Variants in RANBP2 observed in about 807,000 individuals in gnomAD.
RANBP2 encodes RAN binding protein 2, also known as E3 SUMO-protein ligase RanBP2.
In RANBP2, 57 loss-of-function variants were observed where a neutral mutation model predicts 303.6. The observed-to-expected ratio is 0.19, with a 90% CI of 0.15 to 0.23. The LOEUF (loss-of-function observed/expected upper bound fraction) is 0.23. Among genes scored for constraint, RANBP2 ranks in the 10% least tolerant of loss-of-function variants. RANBP2 has a pLI of 1.00. For synonymous variants in RANBP2, 1,167 were observed against 1,301.5 expected (o/e 0.90, Z 2.23); for missense variants, 3,138 against 3,780.8 (o/e 0.83, Z 4.46).
the RANBP2 span, among the ~76,000 whole-genome samples, chr2:108,998,169 C>T: frequency 1.3e-5 from 2 of 152,202 alleles, no homozygotes; most frequent in African/African-American, 4.8e-5. Context: ...AGTCTTTATG[C>T]TCCTGGAGCT....
the RANBP2 span, among the ~76,000 whole-genome samples, chr2:109,425,286 G>C: frequency 6.6e-6 from 1 of 152,218 alleles, no homozygotes; most frequent in Non-Finnish European, 1.5e-5. Context: ...AAAGTACAAG[G>C]TAAAGCAGCA....
chr2:108,989,608 G>A, the RANBP2 span, among the ~76,000 whole-genome samples: 7 of 152,012 alleles, frequency 4.6e-5, no homozygotes, highest in South Asian at 1.2e-3. Flanking sequence ...CCCATCCCCC[G>A]CACATCCCTC....
the RANBP2 span, among the ~76,000 whole-genome samples, chr2:109,708,205 A>G: frequency 1.3e-5 from 2 of 152,218 alleles, no homozygotes; most frequent in Non-Finnish European, 2.9e-5. Context: ...AAAAAATCAA[A>G]AATTTTTTTA....
At chr2:109,213,825 G>T in the RANBP2 span, among the ~76,000 whole-genome samples, 1 of 152,206 alleles carries the variant, frequency 6.6e-6, no homozygotes, top group Non-Finnish European at 1.5e-5. Context: ...GGATGGGCTG[G>T]AAGGGCAGGG....
chr2:109,257,788 T>G, the RANBP2 span, among the ~76,000 whole-genome samples: 1 of 152,112 alleles, frequency 6.6e-6, no homozygotes, highest in East Asian at 1.9e-4. Context: ...AAATGTATGT[T>G]TTACGGACAG....
the RANBP2 span, chr2:108,885,457 T>C: frequency 1.3e-5 from 2 of 152,256 alleles, no homozygotes; most frequent in Non-Finnish European, 2.9e-5. Context: ...TGAAAAGTTA[T>C]ACAATAAAAT....
the RANBP2 span, among the ~76,000 whole-genome samples, chr2:109,526,065 GC>G: frequency 6.6e-6 from 1 of 152,094 alleles, no homozygotes; most frequent in African/African-American, 2.4e-5. Context: ...CACCATCAGG[GC>G]CCCTGACACA....
chr2:108,922,834 A>G, the RANBP2 span, among the ~76,000 whole-genome samples: 153 of 152,294 alleles, frequency 1.0e-3, 2 homozygotes, highest in African/African-American at 3.5e-3. Flanking sequence ...CGTCATAAAC[A>G]GATGCCCATG....
the RANBP2 span, among the ~76,000 whole-genome samples, chr2:109,046,592 C>G: frequency 1.3e-5 from 2 of 151,750 alleles, no homozygotes; most frequent in Non-Finnish European, 2.9e-5. Context: ...TTTGGCCAGG[C>G]TAGTCTCAAA....
chr2:109,340,303 T>C, the RANBP2 span, among the ~76,000 whole-genome samples: 2 of 152,034 alleles, frequency 1.3e-5, no homozygotes, highest in Admixed American at 6.5e-5. Flanking sequence ...AAGGATCCTG[T>C]GGGTCTCGCA....
At chr2:108,990,735 A>G in the RANBP2 span, among the ~76,000 whole-genome samples, 1 of 152,238 alleles carries the variant, frequency 6.6e-6, no homozygotes, top group South Asian at 2.1e-4. Context: ...ATCCTTGTGG[A>G]TGATTAATCT....
At chr2:108,727,126 C>A (rs1694783238) in intron 1 of RANBP2, among the ~76,000 whole-genome samples, 1 of 152,170 alleles carries the variant, frequency 6.6e-6, no homozygotes, top group South Asian at 2.1e-4. Context: ...GTCATCATGG[C>A]CCGTTCTCAA....
At chr2:109,027,849 C>A in the RANBP2 span, among the ~76,000 whole-genome samples, 1,124 of 152,318 alleles carry the variant, frequency 7.4e-3, 12 homozygotes, top group African/African-American at 0.025. Context: ...CCCTGCCAGT[C>A]CCCTACTTCT....
the RANBP2 span, among the ~76,000 whole-genome samples, chr2:109,326,075 C>T: frequency 4.6e-5 from 7 of 152,222 alleles, no homozygotes; most frequent in Admixed American, 4.6e-4. Context: ...TGGGCGTATG[C>T]CACATTTTCT....
At chr2:109,587,015 G>A in the RANBP2 span, among the ~76,000 whole-genome samples, 1 of 152,144 alleles carries the variant, frequency 6.6e-6, no homozygotes, top group Admixed American at 6.6e-5. Flanking sequence ...ACAGAAAAAT[G>A]TGATTCACAG....
chr2:109,450,651 A>T, the RANBP2 span, among the ~76,000 whole-genome samples: 1 of 152,126 alleles, frequency 6.6e-6, no homozygotes, highest in African/African-American at 2.4e-5. Flanking sequence ...TGTTGATGAG[A>T]TATTTTAGTA....
the RANBP2 span, among the ~76,000 whole-genome samples, chr2:109,449,978 G>C: frequency 6.6e-6 from 1 of 152,182 alleles, no homozygotes; most frequent in African/African-American, 2.4e-5. Context: ...CAATGAGAAG[G>C]AACAGGAGAA....
chr2:109,230,321 A>C, the RANBP2 span, among the ~76,000 whole-genome samples: 2 of 152,120 alleles, frequency 1.3e-5, no homozygotes, highest in East Asian at 3.9e-4. Context: ...CACGCCTGTA[A>C]ACCCAGCACT....
chr2:109,424,754 C>T, the RANBP2 span, among the ~76,000 whole-genome samples: 2 of 152,164 alleles, frequency 1.3e-5, no homozygotes, highest in Admixed American at 1.3e-4. Flanking sequence ...CACGGACCCA[C>T]CGTTTCCCCC....
Sources: allele counts gnomAD v4.1 joint callset (sites outside exome capture counted in the v4.1 genomes callset), GRCh38; gene constraint gnomAD v4.1.1; transcripts MANE v1.5; gene names NCBI Gene and HGNC (gene_info 2026-07-23, HGNC 2026-07-21).